Variants in TRIM2 observed in about 807,000 individuals in gnomAD.
The protein encoded by TRIM2 is tripartite motif containing 2, also known as tripartite motif-containing protein 2.
A neutral mutation model predicts 75.2 loss-of-function variants in TRIM2; 20 were observed. That is an observed-to-expected ratio of 0.27 (90% CI 0.19 to 0.39). The LOEUF (loss-of-function observed/expected upper bound fraction) is 0.39. TRIM2 is among the 10% of genes least tolerant of loss of function. TRIM2 has a pLI of 1.00. For synonymous variants in TRIM2, 373 were observed against 388.3 expected (o/e 0.96, Z 0.46); for missense variants, 660 against 990.8 (o/e 0.67, Z 4.48).
At chr4:153,269,064 G>A (rs997106927) in intron 1 of TRIM2, among the ~76,000 whole-genome samples, 1 of 152,162 alleles carries the variant, frequency 6.6e-6, no homozygotes, top group Non-Finnish European at 1.5e-5. Context: ...ATGTAGGGGA[G>A]GAAAAACTTT....
rs771732777 is a variant in TRIM2, at chr4:153,334,996, G to A, written c.*30G>A. 1.6e-5 allele frequency: 25 copies of A among 1,575,224 alleles called. No individual in the cohort carries two copies. In the South Asian group the frequency reaches 2.8e-4, roughly 18 times the overall value. On this transcript the variant is annotated 3_prime_UTR_variant, in exon 12 of 12. Coordinates refer to ENST00000338700, the MANE Select transcript of TRIM2 (RefSeq NM_015271.5). ...GGGCAGGTGGATACCCGCTTCCATG[G>A]TCTTGCACTATAAACTGGAATGGAT...
At chr4:153,308,902 G>A (rs557654175) in intron 6 of TRIM2, among the ~76,000 whole-genome samples, 1 of 152,254 alleles carries the variant, frequency 6.6e-6, no homozygotes, top group African/African-American at 2.4e-5. Context: ...TGAGGAGGGA[G>A]GTCGTGCTAA....
At chr4:153,180,448 C>A (rs888629401) in intron 1 of TRIM2, among the ~76,000 whole-genome samples, 1 of 152,214 alleles carries the variant, frequency 6.6e-6, no homozygotes, top group Non-Finnish European at 1.5e-5. Flanking sequence ...GGGCACACAG[C>A]CTGTGAAAGG....
At chr4:153,189,707 T>C (rs149961760) in intron 1 of TRIM2, among the ~76,000 whole-genome samples, 90 of 152,372 alleles carry the variant, frequency 5.9e-4, no homozygotes, top group African/African-American at 2.1e-3. Context: ...AATCCTTGTG[T>C]GTCCAGCACC....
At chr4:153,315,427 A>G in intron 6 of TRIM2, 58 bp from the exon 7 acceptor site, 1 of 1,361,302 alleles carries the variant, frequency 7.3e-7, no homozygotes, top group Admixed American at 2.3e-5. Flanking sequence ...TCTCTTGCTG[A>G]AACAGAGAAA....
chr4:153,257,173 C>T (rs1374530696), intron 1 of TRIM2, among the ~76,000 whole-genome samples: 1 of 152,206 alleles, frequency 6.6e-6, no homozygotes, highest in Admixed American at 6.5e-5. Flanking sequence ...TGTACCTGCC[C>T]CGGCTGCGTT....
intron 1 of TRIM2, among the ~76,000 whole-genome samples, chr4:153,170,154 A>C (rs1333852767): frequency 2.0e-5 from 3 of 152,176 alleles, no homozygotes; most frequent in South Asian, 4.1e-4. Context: ...AGAGGGGGAA[A>C]AGGGAGGTGG....
intron 6 of TRIM2, chr4:153,309,589 G>A (rs1166564551): frequency 6.6e-6 from 1 of 150,584 alleles, no homozygotes; most frequent in Non-Finnish European, 1.5e-5. Context: ...TCATCTTGTT[G>A]CATGATTCCA....
chr4:153,180,722 C>T (rs1731969174), intron 1 of TRIM2, among the ~76,000 whole-genome samples: 1 of 152,216 alleles, frequency 6.6e-6, no homozygotes, highest in East Asian at 1.9e-4. Context: ...AAGTGATCTG[C>T]CCGCCTCAGC....
At chr4:153,214,305 A>G (rs9997214) in intron 1 of TRIM2, among the ~76,000 whole-genome samples, 21,527 of 152,236 alleles carry the variant, frequency 0.14, 1,597 homozygotes, top group South Asian at 0.21. Flanking sequence ...CTGGGCAGTA[A>G]AACCTGACCA....
At chr4:153,156,640 C>T (rs1275047412) in intron 1 of TRIM2, 1 of 152,152 alleles carries the variant, frequency 6.6e-6, no homozygotes, top group East Asian at 1.9e-4. Flanking sequence ...ATAAGCAGCA[C>T]CATTGTTGAA....
chr4:153,320,348 C>A (rs1339042135), intron 8 of TRIM2, among the ~76,000 whole-genome samples: 1 of 152,040 alleles, frequency 6.6e-6, no homozygotes, highest in Admixed American at 6.6e-5. Context: ...GTCTAAAGTC[C>A]CCATCATGCA....
At chr4:153,186,282 G>A (rs550113625) in intron 1 of TRIM2, among the ~76,000 whole-genome samples, 9 of 152,236 alleles carry the variant, frequency 5.9e-5, no homozygotes, top group Non-Finnish European at 1.3e-4. Flanking sequence ...TATCTGTGAC[G>A]TAATGATCTC....
At chr4:153,263,911 T>G (rs73854637) in intron 1 of TRIM2, among the ~76,000 whole-genome samples, 119 of 152,236 alleles carry the variant, frequency 7.8e-4, no homozygotes, top group African/African-American at 2.7e-3. Flanking sequence ...GGCTCTACCC[T>G]CATGACCTAA....
At chr4:153,330,724 A>G (rs1361588924) in intron 11 of TRIM2, among the ~76,000 whole-genome samples, 2 of 152,214 alleles carry the variant, frequency 1.3e-5, no homozygotes, top group Non-Finnish European at 2.9e-5. Flanking sequence ...AACTTGATAA[A>G]CAACATCTAT....
At chr4:153,228,212 C>T (rs567881362) in intron 1 of TRIM2, among the ~76,000 whole-genome samples, 1 of 152,296 alleles carries the variant, frequency 6.6e-6, no homozygotes, top group East Asian at 1.9e-4. Context: ...ACACCCTGTC[C>T]TTCCTCTCCT....
chr4:153,197,246 G>A (rs1733870513), intron 1 of TRIM2, among the ~76,000 whole-genome samples: 1 of 152,182 alleles, frequency 6.6e-6, no homozygotes, highest in South Asian at 2.1e-4. Context: ...CCTCCTTAAT[G>A]GGTTGTGAGT....
At chr4:153,206,538 C>A (rs1735489539) in intron 1 of TRIM2, among the ~76,000 whole-genome samples, 1 of 152,154 alleles carries the variant, frequency 6.6e-6, no homozygotes, top group Admixed American at 6.5e-5. Flanking sequence ...CCGGGCGCCA[C>A]TCTCCCAGCG....
At chr4:153,235,835 C>T (rs765887860) in intron 1 of TRIM2, among the ~76,000 whole-genome samples, 14 of 152,150 alleles carry the variant, frequency 9.2e-5, no homozygotes, top group Non-Finnish European at 2.1e-4. Flanking sequence ...TCCCTCAAGG[C>T]TCAACCCAAG....
Sources: allele counts gnomAD v4.1 joint callset (sites outside exome capture counted in the v4.1 genomes callset), GRCh38; gene constraint gnomAD v4.1.1; transcripts MANE v1.5; gene names NCBI Gene and HGNC (gene_info 2026-07-23, HGNC 2026-07-21).